The following SLC2A14 variants were observed in gnomAD, a reference collection of about 807,000 sequenced individuals.
SLC2A14 encodes the protein solute carrier family 2, facilitated glucose transporter member 14.
SLC2A14 carries 13 observed loss-of-function variants against 43.0 expected under a neutral mutation model. That is an observed-to-expected ratio of 0.30 (90% CI 0.20 to 0.48). The LOEUF is 0.48. Among genes scored for constraint, SLC2A14 ranks in the 20% least tolerant of loss-of-function variants. SLC2A14 has a pLI of 0.99. For missense variants in SLC2A14, 428 were observed against 620.4 expected (o/e 0.69, Z 3.29); for synonymous variants, 190 against 233.8 (o/e 0.81, Z 1.71).
At chr12:7,854,117 G>A (rs1867159648) in intron 2 of SLC2A14, among the ~76,000 whole-genome samples, 1 of 151,936 alleles carries the variant, frequency 6.6e-6, no homozygotes, top group Admixed American at 6.6e-5. Context: ...TATATCTATA[G>A]CCTGTCTTAT....
chr12:7,844,894 T>C (rs1348402272), intron 2 of SLC2A14, among the ~76,000 whole-genome samples: 1 of 152,168 alleles, frequency 6.6e-6, no homozygotes, highest in Non-Finnish European at 1.5e-5. Flanking sequence ...AATATGTATA[T>C]GGTATTTTAA....
chr12:7,882,949 G>C (rs1284299776), intron 1 of SLC2A14, among the ~76,000 whole-genome samples: 5 of 151,946 alleles, frequency 3.3e-5, no homozygotes, highest in Non-Finnish European at 7.4e-5. Context: ...GGTGGCTCGT[G>C]CCTGTAATCC....
chr12:7,821,457 C>G, intron 7 of SLC2A14, 132 bp from the exon 8 acceptor site: 1 of 683,586 alleles, frequency 1.5e-6, no homozygotes, highest in South Asian at 1.7e-5. Flanking sequence ...CCAAGGCAAG[C>G]AGATCGCCTG....
intron 1 of SLC2A14, 121 bp downstream of exon 1, chr12:7,872,685 CT>C: frequency 3.2e-5 from 26 of 807,576 alleles, no homozygotes; most frequent in Non-Finnish European, 3.9e-5. Context: ...CAGCTCTCTT[CT>C]TTCTTAGCCC....
intron 1 of SLC2A14, among the ~76,000 whole-genome samples, chr12:7,887,781 A>G (rs1032010170): frequency 1.3e-5 from 2 of 152,108 alleles, no homozygotes; most frequent in African/African-American, 4.8e-5. Context: ...AAGTCTCCCA[A>G]CTGTCATCTC....
intron 7 of SLC2A14, among the ~76,000 whole-genome samples, chr12:7,826,861 T>TCTTTTTTTTCTCTTTC (rs1555121667): frequency 3.3e-5 from 2 of 60,268 alleles, no homozygotes; most frequent in South Asian, 6.4e-4. Flanking sequence ...TTCCTTTCTT[T>TCTTTTTTTTCTCTTTC]TTTCTTTCTT....
At chr12:7,824,109 A>T (rs1864150830) in intron 7 of SLC2A14, among the ~76,000 whole-genome samples, 1 of 151,970 alleles carries the variant, frequency 6.6e-6, no homozygotes, top group Non-Finnish European at 1.5e-5. Flanking sequence ...TACAAAAATC[A>T]GCCGGGTGTG....
intron 2 of SLC2A14, among the ~76,000 whole-genome samples, chr12:7,843,198 C>CTT (rs34653071): frequency 7.1e-6 from 1 of 141,640 alleles, no homozygotes; most frequent in African/African-American, 2.6e-5. Flanking sequence ...CTTTTTCACC[C>CTT]TTTTTTATGT....
rs796339024 is a variant in SLC2A14 at position 7,867,301 on chromosome 12, CAA to C, written c.18+2560_18+2561del. On this transcript the variant is annotated intron_variant, in intron 2 of 10. Transcript: ENST00000431042. ...GTCTCAAAAAAAAAAAAAAAAAAAACAAAAAAAACATTCGTGATTCATGGGAG... is the reference window on the plus strand; with the variant it reads ...GTCTCAAAAAAAAAAAAAAAAAAAACAAAAAACATTCGTGATTCATGGGAG... Among the ~76,000 whole-genome samples the C allele has an allele frequency of 1.4e-3, 47 of 34,338 alleles. No individual in the cohort carries two copies. The East Asian group carries it at 0.021, about 15-fold the overall frequency. 22.5% of individuals were successfully genotyped at this position (34,338 alleles called of 152,430 possible). A position where few individuals can be genotyped will look rare whatever the true frequency, so the allele number is the denominator to read the frequency against.
intron 2 of SLC2A14, chr12:7,840,058 G>A (rs923742055): frequency 1.0e-5 from 3 of 290,004 alleles, no homozygotes; most frequent in African/African-American, 7.3e-5. Context: ...CCTGCAGTGA[G>A]CTATGATTGC....
At chr12:7,882,603 C>A (rs1334568938) in intron 1 of SLC2A14, among the ~76,000 whole-genome samples, 2 of 152,080 alleles carry the variant, frequency 1.3e-5, no homozygotes, top group African/African-American at 2.4e-5. Flanking sequence ...GAGGCTGAGG[C>A]AGGCACGTGG....
chr12:7,871,320 A>C, intron 1 of SLC2A14: 1 of 1,054,656 alleles, frequency 9.5e-7, no homozygotes, highest in Non-Finnish European at 1.2e-6. Flanking sequence ...GACAAGTTCA[A>C]CTAGGTGGAG....
At position 7,869,947 on chromosome 12, in the gene SLC2A14, GTAATTGTCTAGTTAT is replaced by G; in HGVS notation, c.-57-25_-57-11del. ...TTCAAGGTACTGCTTCCTGTAAATTGTAATTGTCTAGTTATTCATTTACTCCATCTACTTAAGCTC... is the reference window on the plus strand; with the variant it reads ...TTCAAGGTACTGCTTCCTGTAAATTGTCATTTACTCCATCTACTTAAGCTC... On this transcript the variant is annotated splice_polypyrimidine_tract_variant and intron_variant, in intron 1 of 10. Coordinates refer to ENST00000431042, the MANE Select transcript of SLC2A14 (RefSeq NM_001286234.2). 6.7e-7 allele frequency: 1 copy of G among 1,503,064 alleles called. No individual in the cohort carries two copies. The allele number at this position is 1,503,064 out of a possible 1,614,324, so 93.1% of individuals were successfully genotyped here.
intron 1 of SLC2A14, among the ~76,000 whole-genome samples, chr12:7,878,626 T>C (rs1280467823): frequency 6.6e-6 from 1 of 151,996 alleles, no homozygotes; most frequent in Non-Finnish European, 1.5e-5. Context: ...TGCTAACATT[T>C]TACCAGAAAA....
chr12:7,826,868 TCTTTC>T, intron 7 of SLC2A14, among the ~76,000 whole-genome samples: 1 of 51,120 alleles, frequency 2.0e-5, no homozygotes, highest in African/African-American at 7.7e-5. Flanking sequence ...CTTTTTTCTT[TCTTTC>T]TTTCTTTCTT....
intron 7 of SLC2A14, among the ~76,000 whole-genome samples, chr12:7,826,864 T>TCCTTCCTTCCTTCATTC (rs71457018): frequency 2.5e-5 from 1 of 40,562 alleles, no homozygotes; most frequent in African/African-American, 9.5e-5. Flanking sequence ...CTTTCTTTTT[T>TCCTTCCTTCCTTCATTC]CTTTCTTTCT....
chr12:7,871,837 C>T, intron 1 of SLC2A14: 1 of 920,576 alleles, frequency 1.1e-6, no homozygotes, highest in Non-Finnish European at 1.3e-6. Context: ...CTAGACTCCT[C>T]CCCTACACCC....
In SLC2A14 at chr12:7,872,827, G is replaced by C; in HGVS notation, c.-78C>G. ...CCCACCTCCCAGACCCCGCGACTGC[G>C]GTTGGGCCCCGCGGCTTCGCTCAAC... On this transcript the variant is annotated 5_prime_UTR_variant, in exon 1 of 11. Coordinates refer to ENST00000431042, the MANE Select transcript of SLC2A14 (RefSeq NM_001286234.2). 1.0e-6 allele frequency: 1 copy of C among 985,542 alleles called. No homozygotes were observed. Among genetic ancestry groups the C allele is most frequent in the South Asian group, 4.7e-5 (1 of 21,292 alleles). 61.0% of individuals were successfully genotyped at this position (985,542 alleles called of 1,614,324 possible).
chr12:7,829,805 G>A lies in SLC2A14; in HGVS notation c.474C>T (p.Leu158=), dbSNP rs762528826. ...PTALRGAFGT[L]NQLGIVIGIL... is the part of the protein sequence containing the mutation. ...TTCCAATAACTATGCCCAGCTGGTT[G>A]AGAGTGCCAAAGGCACCCCTCAGGG... The change falls in exon 5 of 11, where the codon CTC becomes CTT. Residue 158 remains leucine (L), a synonymous_variant. Coordinates refer to ENST00000431042, the MANE Select transcript of SLC2A14 (RefSeq NM_001286234.2). 6.2e-7 allele frequency: 1 copy of A among 1,614,178 alleles called. No individual in the cohort carries two copies. Among genetic ancestry groups the A allele is most frequent in the Non-Finnish European group, 8.5e-7 (1 of 1,180,036 alleles).
Sources: allele counts gnomAD v4.1 joint callset (sites outside exome capture counted in the v4.1 genomes callset), GRCh38; gene constraint gnomAD v4.1.1; transcripts MANE v1.5; gene names NCBI Gene and HGNC (gene_info 2026-07-23, HGNC 2026-07-21).